Variants in MICU2 observed in about 807,000 individuals in gnomAD.
The protein encoded by MICU2 is mitochondrial calcium uptake 2, also known as calcium uptake protein 2, mitochondrial.
MICU2 carries 64 observed loss-of-function variants against 60.4 expected under a neutral mutation model. The observed-to-expected ratio is 1.06, with a 90% CI of 0.87 to 1.31. The LOEUF (loss-of-function observed/expected upper bound fraction) is 1.31, where lower values mean the gene tolerates loss of function less well. MICU2 is among the 50% of genes most tolerant of loss of function. The pLI is 0.00. For missense variants in MICU2, 569 were observed against 531.0 expected (o/e 1.07, Z -0.70); for synonymous variants, 201 against 175.0 (o/e 1.15, Z -1.17).
intron 7 of MICU2, among the ~76,000 whole-genome samples, chr13:21,510,342 G>C (rs1886396168): frequency 6.6e-6 from 1 of 152,178 alleles, no homozygotes; most frequent in Non-Finnish European, 1.5e-5. Flanking sequence ...GTGGACTTCA[G>C]CATGAAACAA....
intron 5 of MICU2, 127 bp downstream of exon 5, chr13:21,522,476 A>G: frequency 1.5e-6 from 1 of 667,066 alleles, no homozygotes; most frequent in African/African-American, 1.9e-5. Context: ...ATCATTTTGC[A>G]GATATAGAAA....
At chr13:21,566,074 T>A (rs1482455482) in intron 2 of MICU2, among the ~76,000 whole-genome samples, 1 of 152,182 alleles carries the variant, frequency 6.6e-6, no homozygotes, top group Non-Finnish European at 1.5e-5. Context: ...TGATCACTCA[T>A]TTCGTTTTTG....
chr13:21,598,937 G>A (rs988000027), intron 1 of MICU2, among the ~76,000 whole-genome samples: 7 of 152,108 alleles, frequency 4.6e-5, no homozygotes, highest in Admixed American at 1.3e-4. Context: ...GTTAGGAACC[G>A]GACCACACAA....
intron 2 of MICU2, among the ~76,000 whole-genome samples, chr13:21,541,109 T>C (rs947971085): frequency 9.2e-5 from 14 of 152,214 alleles, no homozygotes; most frequent in African/African-American, 2.4e-4. Flanking sequence ...AAAGCAATGA[T>C]TGACATTTTG....
chr13:21,588,801 C>G lies in MICU2; in HGVS notation c.210+15138G>C, dbSNP rs573730815. Among the ~76,000 whole-genome samples the G allele has an allele frequency of 5.9e-5, 9 of 152,304 alleles. 1 individual carries two copies. In the South Asian group the frequency reaches 1.9e-3, roughly 32 times the overall value. The stretch of plus-strand genomic sequence containing the variant: ...GTAAAGCAAGAGAAGCCCCTTGGAT[C>G]TTTCGACTCTCAGGTCTGTTTAGAC... On this transcript the variant is annotated intron_variant, in intron 1 of 11. Transcript: ENST00000382374.
At position 21,595,636 on chromosome 13, in the gene MICU2, G is replaced by C. The variant is rs566668737; in HGVS notation, c.210+8303C>G. ...TCAGGCCACATTCTTCCACCCAGCA[G>C]GTCAATACTGTACTCTAGTTCCAGC... On this transcript the variant is annotated intron_variant, in intron 1 of 11. Coordinates refer to ENST00000382374, the MANE Select transcript of MICU2 (RefSeq NM_152726.3). Among the ~76,000 whole-genome samples, 9 of 152,344 alleles carry C rather than the reference G, an allele frequency of 5.9e-5. No individual in the cohort carries two copies. The East Asian group carries it at 7.7e-4, about 13-fold the overall frequency.
chr13:21,553,702 A>G (rs1417483294), intron 2 of MICU2, among the ~76,000 whole-genome samples: 3 of 152,214 alleles, frequency 2.0e-5, no homozygotes, highest in African/African-American at 7.2e-5. Context: ...TTAAATGTAA[A>G]TGGGCTAAAT....
In MICU2 at chr13:21,539,275, A is replaced by G. The variant is rs766031412; in HGVS notation, c.466+27T>C. The stretch of plus-strand genomic sequence containing the variant: ...CTTCAGTTAAATAAAACACATAACT[A>G]GAAATTTAACAACAAACCAAAATTA... On this transcript the variant is annotated intron_variant, in intron 4 of 11. Coordinates refer to ENST00000382374, the MANE Select transcript of MICU2 (RefSeq NM_152726.3). 5 of 1,592,744 alleles carry G rather than the reference A, an allele frequency of 3.1e-6. No individual in the cohort carries two copies. In the South Asian group the frequency reaches 5.5e-5, roughly 18 times the overall value.
chr13:21,528,623 A>G (rs1275682349), intron 4 of MICU2, among the ~76,000 whole-genome samples: 1 of 152,212 alleles, frequency 6.6e-6, no homozygotes, highest in Non-Finnish European at 1.5e-5. Context: ...GTCAAAAACA[A>G]TTTATTAAGC....
Position 21,493,334 on chromosome 13 carries a change from A to G in MICU2, c.1220T>C (p.Ile407Thr). ...RGLWVPQHQS[I>T]QEYWKCVKKE... is the part of the protein sequence containing the mutation. ...CTTCACACACTTCCAGTATTCTTGT[A>G]TACTCTGATGTTGTGGTACCTGTTA... is the stretch of plus-strand genomic sequence containing the variant. Residue 407 changes from isoleucine (I) to threonine (T), a missense_variant, in exon 12 of 12, where the codon ATA (isoleucine) becomes ACA (threonine). Transcript: ENST00000382374. 2 of 1,608,528 alleles carry G rather than the reference A, an allele frequency of 1.2e-6. No homozygotes were observed. The highest frequency in any genetic ancestry group is 1.7e-6 in the Non-Finnish European group (2 of 1,177,936).
At chr13:21,556,675 CAGGAAGCATGT>C (rs1389923979) in intron 2 of MICU2, among the ~76,000 whole-genome samples, 1 of 151,940 alleles carries the variant, frequency 6.6e-6, no homozygotes, top group East Asian at 1.9e-4. Context: ...TTTAAAAGGC[CAGGAAGCATGT>C]AGGCAAGTTC....
At chr13:21,562,583 T>G (rs948217460) in intron 2 of MICU2, among the ~76,000 whole-genome samples, 1 of 152,220 alleles carries the variant, frequency 6.6e-6, no homozygotes, top group Admixed American at 6.5e-5. Flanking sequence ...GTTTGCAATA[T>G]ATATTTGCAA....
chr13:21,566,733 A>C (rs985874610), intron 2 of MICU2, 64 bp downstream of exon 2: 3 of 1,363,282 alleles, frequency 2.2e-6, no homozygotes, highest in Non-Finnish European at 3.0e-6. Context: ...TCAATCCTGA[A>C]AAACAGGTTT....
At chr13:21,603,850 A>G in intron 1 of MICU2, 89 bp downstream of exon 1, 2 of 1,411,748 alleles carry the variant, frequency 1.4e-6, no homozygotes, top group Non-Finnish European at 1.9e-6. Context: ...GCTCCGGGAG[A>G]GCCGCCCAGA....
In MICU2 at chr13:21,566,964, C is replaced by T; in HGVS notation, c.211-20G>A. The T allele has an allele frequency of 6.3e-7, 1 of 1,582,078 alleles. No individual in the cohort carries two copies. The highest frequency in any genetic ancestry group is 8.6e-7 in the Non-Finnish European group (1 of 1,165,200). On this transcript the variant is annotated intron_variant, in intron 1 of 11. Transcript: ENST00000382374. ...ATTTTTCTAAAAGAAAAATAAATTG[C>T]AATTGAAGATTTTTTCAGTGTTATT...
At chr13:21,574,247 T>C (rs752756431) in intron 1 of MICU2, among the ~76,000 whole-genome samples, 1 of 152,200 alleles carries the variant, frequency 6.6e-6, no homozygotes, top group African/African-American at 2.4e-5. Flanking sequence ...TCTATTGCCA[T>C]GATTTGCTTC....
At chr13:21,517,346 T>C (rs1205977000) in intron 6 of MICU2, among the ~76,000 whole-genome samples, 2 of 152,226 alleles carry the variant, frequency 1.3e-5, no homozygotes, top group African/African-American at 2.4e-5. Flanking sequence ...TTGTAGTACA[T>C]ATATGGTGGG....
intron 4 of MICU2, among the ~76,000 whole-genome samples, chr13:21,528,760 G>A (rs964838709): frequency 1.3e-5 from 2 of 152,180 alleles, no homozygotes; most frequent in African/African-American, 4.8e-5. Flanking sequence ...ATAATAAAAC[G>A]TGGTGAGAAA....
chr13:21,498,372 T>C (rs1388224967), intron 9 of MICU2, among the ~76,000 whole-genome samples: 1 of 40,774 alleles, frequency 2.5e-5, no homozygotes, highest in South Asian at 7.9e-4. Flanking sequence ...TCCTATTCTT[T>C]TTTTTTTTTT....
Sources: allele counts gnomAD v4.1 joint callset (sites outside exome capture counted in the v4.1 genomes callset), GRCh38; gene constraint gnomAD v4.1.1; transcripts MANE v1.5; gene names NCBI Gene and HGNC (gene_info 2026-07-23, HGNC 2026-07-21).